Variants in FRRS1L observed in about 807,000 individuals in gnomAD.
FRRS1L encodes the protein DOMON domain-containing protein FRRS1L.
FRRS1L carries 22 observed loss-of-function variants against 28.6 expected under a neutral mutation model. The ratio of observed to expected loss-of-function variants is 0.77; its 90% CI spans 0.55 to 1.10. The LOEUF (loss-of-function observed/expected upper bound fraction) is 1.10, where lower values mean the gene tolerates loss of function less well. FRRS1L is among the 50% of genes least tolerant of loss of function. FRRS1L has a pLI of 0.00. For synonymous variants in FRRS1L, 158 were observed against 151.4 expected (o/e 1.04, Z -0.32); for missense variants, 380 against 386.9 (o/e 0.98, Z 0.15).
intron 1 of FRRS1L, among the ~76,000 whole-genome samples, chr9:109,157,310 G>C (rs1831423359): frequency 6.6e-6 from 1 of 152,122 alleles, no homozygotes; most frequent in Admixed American, 6.5e-5. Flanking sequence ...CTCAAAAAGA[G>C]TATGATTCTG....
intron 1 of FRRS1L, among the ~76,000 whole-genome samples, chr9:109,161,070 C>T (rs564666680): frequency 2.6e-5 from 4 of 152,024 alleles, no homozygotes; most frequent in African/African-American, 7.2e-5. Flanking sequence ...GATTACAGGC[C>T]GCCTCACCCG....
At chr9:109,154,997 T>C (rs1831386030) in intron 1 of FRRS1L, among the ~76,000 whole-genome samples, 1 of 152,192 alleles carries the variant, frequency 6.6e-6, no homozygotes. Flanking sequence ...ATGATTACCT[T>C]ACACGATAAT....
chr9:109,149,751 A>G, intron 1 of FRRS1L, 31 bp from the exon 2 acceptor site: 3 of 1,422,612 alleles, frequency 2.1e-6, no homozygotes, highest in Non-Finnish European at 3.0e-6. Flanking sequence ...AGGGTTAGAA[A>G]ATCCAGTAAC....
At position 109,147,296 on chromosome 9, in the gene FRRS1L, A is replaced by G. The variant is rs1831275994; in HGVS notation, c.324-107T>C. ...GATGCTAAGCAATATTATTAAACAC[A>G]TTGGATTTTTGCTACCTGGAATCTT... On this transcript the variant is annotated intron_variant, in intron 2 of 4. Coordinates refer to ENST00000561981, the MANE Select transcript of FRRS1L (RefSeq NM_014334.4). The G allele has an allele frequency of 4.2e-6, 4 of 963,182 alleles. No individual in the cohort carries two copies. The South Asian group carries it at 4.6e-5, about 11-fold the overall frequency. 59.7% of individuals were successfully genotyped at this position (963,182 alleles called of 1,614,324 possible). A position where few individuals can be genotyped will look rare whatever the true frequency, so the allele number is the denominator to read the frequency against.
Position 109,137,473 on chromosome 9 carries a change from T to C in FRRS1L, c.864A>G (p.Leu288=), listed in dbSNP as rs930729318. 3.1e-6 allele frequency: 5 copies of C among 1,607,940 alleles called. No homozygotes were observed. The highest frequency in any genetic ancestry group is 4.3e-6 in the Non-Finnish European group (5 of 1,176,224). ...LLLIVALTFY[L]LMGTP is the part of the protein sequence containing the mutation. The stretch of plus-strand genomic sequence containing the variant: ...GCTGTGGTTAGGGGGTTCCCATCAA[T>C]AGGTAGAAGGTCAGAGCAACAATCA... The change falls in exon 5 of 5, where the codon CTA becomes CTG. Residue 288 remains leucine (L), a synonymous_variant. Coordinates refer to ENST00000561981, the MANE Select transcript of FRRS1L (RefSeq NM_014334.4).
chr9:109,140,650 G>A (rs1433402478), intron 4 of FRRS1L: 2 of 152,054 alleles, frequency 1.3e-5, no homozygotes, highest in Non-Finnish European at 2.9e-5. Context: ...AATGCTTGGT[G>A]TCAATCTCTG....
intron 1 of FRRS1L, among the ~76,000 whole-genome samples, chr9:109,166,613 C>T (rs1831553111): frequency 6.6e-6 from 1 of 152,110 alleles, no homozygotes; most frequent in South Asian, 2.1e-4. Flanking sequence ...GCACCCACCC[C>T]TATCCACAGC....
intron 1 of FRRS1L, chr9:109,150,796 G>C (rs1035728315): frequency 6.6e-6 from 1 of 152,162 alleles, no homozygotes; most frequent in Non-Finnish European, 1.5e-5. Flanking sequence ...TTTACTCCAC[G>C]TACACAGGAA....
chr9:109,141,044 A>T, intron 4 of FRRS1L: 1 of 403,824 alleles, frequency 2.5e-6, no homozygotes. Context: ...GTGAGAATTG[A>T]ACAGAGCCCT....
chr9:109,154,937 G>A (rs1831385075), intron 1 of FRRS1L, among the ~76,000 whole-genome samples: 1 of 152,176 alleles, frequency 6.6e-6, no homozygotes, highest in Non-Finnish European at 1.5e-5. Context: ...GTCCTGCCAG[G>A]TTGCAAAAAG....
chr9:109,159,790 C>T (rs1347478651), intron 1 of FRRS1L, among the ~76,000 whole-genome samples: 1 of 152,188 alleles, frequency 6.6e-6, no homozygotes, highest in Non-Finnish European at 1.5e-5. Flanking sequence ...CCTCCACCAA[C>T]CAGTGTAGCA....
intron 1 of FRRS1L, among the ~76,000 whole-genome samples, chr9:109,165,476 C>G (rs1039999897): frequency 6.6e-6 from 1 of 152,194 alleles, no homozygotes; most frequent in Non-Finnish European, 1.5e-5. Flanking sequence ...ACAGAGTCAT[C>G]CCACCAGCCC....
intron 1 of FRRS1L, among the ~76,000 whole-genome samples, chr9:109,163,875 T>C (rs947632550): frequency 1.3e-5 from 2 of 152,174 alleles, no homozygotes; most frequent in African/African-American, 4.8e-5. Flanking sequence ...GTTCCCTCCT[T>C]CCTTCTCCAC....
chr9:109,149,897 C>G (rs1291832466), intron 1 of FRRS1L, 177 bp from the exon 2 acceptor site: 3 of 580,030 alleles, frequency 5.2e-6, no homozygotes, highest in Non-Finnish European at 9.3e-6. Context: ...AGGACACACA[C>G]CTTTGGACCT....
At chr9:109,144,347 C>G (rs1831227120) in intron 3 of FRRS1L, among the ~76,000 whole-genome samples, 1 of 152,100 alleles carries the variant, frequency 6.6e-6, no homozygotes, top group Non-Finnish European at 1.5e-5. Flanking sequence ...ATATCCAATC[C>G]ACTTGCAAAT....
At chr9:109,153,010 T>C (rs1482153570) in intron 1 of FRRS1L, among the ~76,000 whole-genome samples, 1 of 152,124 alleles carries the variant, frequency 6.6e-6, no homozygotes, top group Non-Finnish European at 1.5e-5. Flanking sequence ...ACTTGTGTTC[T>C]GTCAAATGCA....
Position 109,137,676 on chromosome 9 carries a change from T to A in FRRS1L, c.710-49A>T, listed in dbSNP as rs751574228. ...AGGGGCAATTGAAAAAAGAACAGAT[T>A]TATAATGGTATAGGCAAACAATGGA... On this transcript the variant is annotated intron_variant, in intron 4 of 4. Transcript: ENST00000561981. The A allele has an allele frequency of 1.0e-5, 13 of 1,251,190 alleles. No homozygotes were observed. The African/African-American group carries it at 1.0e-4, about 10-fold the overall frequency. The allele number at this position is 1,251,190 out of a possible 1,614,324, so 77.5% of individuals were successfully genotyped here.
chr9:109,132,494 T>C lies in FRRS1L; in HGVS notation c.*4961A>G, dbSNP rs1174836513. 1 of 152,244 alleles carries C rather than the reference T, an allele frequency of 6.6e-6. No individual in the cohort carries two copies. Among genetic ancestry groups the C allele is most frequent in the East Asian group, 1.9e-4 (1 of 5,200 alleles). 9.4% of individuals were successfully genotyped at this position (152,244 alleles called of 1,614,324 possible). Reference sequence around the variant, plus strand: ...AGCATGAGATGCCCTGTGCCATTTATTTATAAAAATAAATCAACAATAATT... The same window carrying C: ...AGCATGAGATGCCCTGTGCCATTTACTTATAAAAATAAATCAACAATAATT... On this transcript the variant is annotated 3_prime_UTR_variant, in exon 5 of 5. Coordinates refer to ENST00000561981, the MANE Select transcript of FRRS1L (RefSeq NM_014334.4).
intron 3 of FRRS1L, among the ~76,000 whole-genome samples, chr9:109,144,676 T>C (rs1290162461): frequency 1.6e-5 from 1 of 63,016 alleles, no homozygotes; most frequent in African/African-American, 3.9e-5. Context: ...GTTAGTGCTA[T>C]TTTCTTTTTC....
Sources: allele counts gnomAD v4.1 joint callset (sites outside exome capture counted in the v4.1 genomes callset), GRCh38; gene constraint gnomAD v4.1.1; transcripts MANE v1.5; gene names NCBI Gene and HGNC (gene_info 2026-07-23, HGNC 2026-07-21).